Variants in USH2A observed in about 807,000 individuals in gnomAD.
USH2A encodes Usher syndrome 2A (autosomal recessive, mild).
A neutral mutation model predicts 538.9 loss-of-function variants in USH2A; 443 were observed. The ratio of observed to expected loss-of-function variants is 0.82; its 90% CI spans 0.76 to 0.89. USH2A has a LOEUF of 0.89. USH2A is among the 40% of genes least tolerant of loss of function. USH2A has a pLI of 0.00. For missense variants in USH2A, 6,633 were observed against 6,324.8 expected, an observed-to-expected ratio of 1.05 and a Z score of -1.65; for synonymous variants, 2,413 against 2,273.5, an observed-to-expected ratio of 1.06 and a Z score of -1.75.
chr1:215,843,129 C>T (rs1376014154), intron 46 of USH2A, among the ~76,000 whole-genome samples: 2 of 152,012 alleles, frequency 1.3e-5, no homozygotes, highest in Non-Finnish European at 2.9e-5. Context: ...ATGTCTTAAC[C>T]TCAAATGTCA....
chr1:216,065,909 A>C (rs113443603), intron 30 of USH2A, among the ~76,000 whole-genome samples: 80 of 152,112 alleles, frequency 5.3e-4, no homozygotes, highest in African/African-American at 1.9e-3. Context: ...AAAATAAAAA[A>C]ATAAAATAAA....
chr1:216,065,490 T>A (rs905067922), intron 30 of USH2A, among the ~76,000 whole-genome samples: 12 of 152,314 alleles, frequency 7.9e-5, no homozygotes, highest in African/African-American at 2.9e-4. Flanking sequence ...AAATCAAAAT[T>A]TTTTAAAAAA....
At chr1:216,011,701 C>A (rs971111713) in intron 32 of USH2A, among the ~76,000 whole-genome samples, 5 of 152,064 alleles carry the variant, frequency 3.3e-5, no homozygotes, top group African/African-American at 9.7e-5. Flanking sequence ...CTATGCTCAA[C>A]TTACTCTCTA....
intron 21 of USH2A, among the ~76,000 whole-genome samples, chr1:216,140,142 T>G (rs2102610248): frequency 7.0e-6 from 1 of 142,290 alleles, no homozygotes; most frequent in Middle Eastern, 3.4e-3. Flanking sequence ...AGAGTACTTT[T>G]ATAATATTTT....
intron 60 of USH2A, among the ~76,000 whole-genome samples, chr1:215,730,469 T>G (rs949245102): frequency 5.3e-5 from 8 of 152,206 alleles, no homozygotes; most frequent in African/African-American, 1.4e-4. Flanking sequence ...GCTCTCTCTC[T>G]AGTTGAGAAG....
At chr1:215,985,480 T>A (rs1667850808) in intron 35 of USH2A, among the ~76,000 whole-genome samples, 1 of 152,228 alleles carries the variant, frequency 6.6e-6, no homozygotes, top group African/African-American at 2.4e-5. Flanking sequence ...ACCAGCTGTC[T>A]TGATTTTGAA....
chr1:215,847,553 T>G (rs1663894255), intron 44 of USH2A, among the ~76,000 whole-genome samples: 1 of 151,336 alleles, frequency 6.6e-6, no homozygotes, highest in Non-Finnish European at 1.5e-5. Context: ...GCTGAGGCAG[T>G]AGGATGGCTT....
At chr1:215,697,584 C>T (rs1049850085) in intron 61 of USH2A, among the ~76,000 whole-genome samples, 8 of 152,042 alleles carry the variant, frequency 5.3e-5, no homozygotes, top group Non-Finnish European at 1.2e-4. Context: ...TGCAATGGCA[C>T]GATCTCGGCT....
intron 38 of USH2A, 69 bp downstream of exon 38, chr1:215,934,547 G>T (rs774479769): frequency 1.6e-5 from 24 of 1,474,992 alleles, no homozygotes; most frequent in Non-Finnish European, 2.1e-5. Context: ...AATAAACAAG[G>T]TATTCAATGG....
chr1:215,693,911 A>AT (rs1658706806), intron 61 of USH2A, among the ~76,000 whole-genome samples: 2 of 152,184 alleles, frequency 1.3e-5, no homozygotes, highest in Non-Finnish European at 2.9e-5. Context: ...ACTATATCCC[A>AT]CTTTAATTGG....
At chr1:215,798,378 T>C (rs1571696800) in intron 50 of USH2A, among the ~76,000 whole-genome samples, 1 of 152,318 alleles carries the variant, frequency 6.6e-6, no homozygotes, top group South Asian at 2.1e-4. Flanking sequence ...TAATATCTAA[T>C]GTCTGAACTT....
intron 41 of USH2A, among the ~76,000 whole-genome samples, chr1:215,887,460 C>T (rs762324467): frequency 7.9e-5 from 12 of 152,084 alleles, no homozygotes; most frequent in Admixed American, 3.3e-4. Flanking sequence ...CAATAAACAT[C>T]GTATATCGTG....
intron 47 of USH2A, among the ~76,000 whole-genome samples, chr1:215,820,839 T>A (rs1571719121): frequency 6.6e-6 from 1 of 151,828 alleles, no homozygotes; most frequent in African/African-American, 2.4e-5. Context: ...GAACATGCAA[T>A]GTTTGTCTTT....
At chr1:216,124,371 C>G (rs988579021) in intron 21 of USH2A, among the ~76,000 whole-genome samples, 1 of 151,252 alleles carries the variant, frequency 6.6e-6, no homozygotes, top group African/African-American at 2.4e-5. Context: ...AGCAAGGAAG[C>G]GTATTGATTA....
At chr1:215,753,718 G>A (rs1436837742) in intron 58 of USH2A, among the ~76,000 whole-genome samples, 2 of 152,052 alleles carry the variant, frequency 1.3e-5, no homozygotes, top group African/African-American at 4.8e-5. Context: ...GTTAAATGAC[G>A]AGTTAATGGG....
chr1:215,875,854 T>C (rs975409726), intron 43 of USH2A, among the ~76,000 whole-genome samples: 2 of 147,456 alleles, frequency 1.4e-5, no homozygotes, highest in African/African-American at 4.9e-5. Context: ...AGGACAGCAA[T>C]TAATATATAT....
At chr1:216,121,450 T>C (rs185830892) in intron 21 of USH2A, among the ~76,000 whole-genome samples, 1 of 152,344 alleles carries the variant, frequency 6.6e-6, no homozygotes, top group East Asian at 1.9e-4. Flanking sequence ...GTTTTTATTT[T>C]ATTTTTTTGC....
intron 15 of USH2A, among the ~76,000 whole-genome samples, chr1:216,216,807 G>C (rs752594590): frequency 1.3e-4 from 19 of 151,954 alleles, no homozygotes; most frequent in Non-Finnish European, 2.4e-4. Context: ...AAATGTGAGA[G>C]ATATTTAAAT....
intron 11 of USH2A, among the ~76,000 whole-genome samples, chr1:216,254,949 C>G (rs1376723672): frequency 6.6e-6 from 1 of 152,184 alleles, no homozygotes; most frequent in African/African-American, 2.4e-5. Context: ...ATTTCTACAC[C>G]TAGCTGCCAA....
Sources: allele counts gnomAD v4.1 joint callset (sites outside exome capture counted in the v4.1 genomes callset), GRCh38; gene constraint gnomAD v4.1.1; transcripts MANE v1.5; gene names NCBI Gene and HGNC (gene_info 2026-07-23, HGNC 2026-07-21).